RDH16: variants seen among roughly 807,000 people sequenced by gnomAD.
RDH16 encodes the protein human epidermal retinol dehydrogenase.
In RDH16, 25 loss-of-function variants were observed where a neutral mutation model predicts 22.3. That is an observed-to-expected ratio of 1.12 (90% CI 0.82 to 1.56). RDH16 has a LOEUF of 1.56. Among genes scored for constraint, RDH16 ranks in the 40% most tolerant of loss-of-function variants. The probability of loss-of-function intolerance (pLI) is 0.00; values close to 1 mark genes in which losing one functional copy is unlikely to be tolerated. For synonymous variants in RDH16, 154 were observed against 164.4 expected, an observed-to-expected ratio of 0.94 and a Z score of 0.48; for missense variants, 413 against 394.9, an observed-to-expected ratio of 1.05 and a Z score of -0.39.
In RDH16 at chr12:56,951,565, C is replaced by T. The variant is rs140459434; in HGVS notation, c.*464G>A. ...CATAATGGTTCCAGTCCCAACACCACGTGTACAGGGATCTTCAGAGGAGGG... is the reference window on the plus strand; with the variant it reads ...CATAATGGTTCCAGTCCCAACACCATGTGTACAGGGATCTTCAGAGGAGGG... On this transcript the variant is annotated 3_prime_UTR_variant, in exon 4 of 4. Transcript: ENST00000398138. The T allele has an allele frequency of 5.0e-5, 10 of 199,726 alleles. No individual in the cohort carries two copies. The South Asian group carries it at 7.8e-4, about 16-fold the overall frequency. The allele number at this position is 199,726 out of a possible 1,614,324, so 12.4% of individuals were successfully genotyped here. A position where few individuals can be genotyped will look rare whatever the true frequency, so the allele number is the denominator to read the frequency against.
chr12:56,954,875 G>T, intron 2 of RDH16, 31 bp downstream of exon 2: 1 of 1,611,744 alleles, frequency 6.2e-7, no homozygotes, highest in Admixed American at 1.7e-5. Context: ...GGAGCAGGAA[G>T]ACTAGGGTGG....
chr12:56,956,074 G>A (rs1955926121), intron 1 of RDH16, among the ~76,000 whole-genome samples: 1 of 152,158 alleles, frequency 6.6e-6, no homozygotes, highest in Admixed American at 6.5e-5. Flanking sequence ...TGGAAGGGTT[G>A]GCCCAGGCAT....
chr12:56,957,517 C>T lies in RDH16; in HGVS notation c.-55G>A, dbSNP rs1955941782. ...TGTGGGGGAAACCAGAGTCTGGCCT[C>T]TGTTCAGACAGGAGGATTTAAGAAC... On this transcript the variant is annotated 5_prime_UTR_variant, in exon 1 of 4. Transcript: ENST00000398138. 3 of 1,548,676 alleles carry T rather than the reference C, an allele frequency of 1.9e-6. No individual in the cohort carries two copies. The highest frequency in any genetic ancestry group is 2.4e-5 in the South Asian group (2 of 81,642).
rs377361228 is a variant in RDH16, at chr12:56,957,396, C to T, written c.67G>A (p.Val23Met). The T allele has an allele frequency of 6.2e-7, 1 of 1,614,158 alleles. No individual in the cohort carries two copies. Among genetic ancestry groups the T allele is most frequent in the Non-Finnish European group, 8.5e-7 (1 of 1,180,032 alleles). Reference protein sequence around the residue: ...YLLHWYRERQVLSHLRDKYVF... With the variant: ...YLLHWYRERQMLSHLRDKYVF... ...TACTTATCTCTCAGGTGGCTCAGCA[C>T]CTGCCTCTCCCGGTACCAGTGCAGA... Residue 23 changes from valine (V) to methionine (M), a missense_variant, in exon 1 of 4, where the codon GTG becomes ATG. Val to Met is a conservative substitution (Grantham distance 21). Coordinates refer to ENST00000398138, the MANE Select transcript of RDH16 (RefSeq NM_003708.5).
chr12:56,956,729 A>G (rs921948568), intron 1 of RDH16, among the ~76,000 whole-genome samples: 2 of 152,154 alleles, frequency 1.3e-5, no homozygotes, highest in Non-Finnish European at 2.9e-5. Flanking sequence ...TAGCAAAAAC[A>G]AGGTAAAGTG....
chr12:56,954,019 G>T (rs951580770), intron 2 of RDH16, among the ~76,000 whole-genome samples: 9 of 152,150 alleles, frequency 5.9e-5, no homozygotes, highest in African/African-American at 1.9e-4. Flanking sequence ...CGTCAAAGGG[G>T]CTCTGGATAT....
intron 1 of RDH16, among the ~76,000 whole-genome samples, chr12:56,956,358 A>G (rs1281173167): frequency 6.6e-6 from 1 of 152,224 alleles, no homozygotes; most frequent in Non-Finnish European, 1.5e-5. Context: ...ATTATGGTGG[A>G]AAAGTGTTCA....
chr12:56,956,010 G>C (rs958571867), intron 1 of RDH16, among the ~76,000 whole-genome samples: 35 of 152,210 alleles, frequency 2.3e-4, no homozygotes, highest in African/African-American at 7.7e-4. Context: ...ACAGAGCTAG[G>C]GGGCAGGAGC....
rs1260744006 is a variant in RDH16, at chr12:56,955,006, G to A, written c.472C>T (p.Arg158Cys). 4.3e-6 allele frequency: 7 copies of A among 1,614,126 alleles called. No individual in the cohort carries two copies. Among genetic ancestry groups the A allele is most frequent in the South Asian group, 1.1e-5 (1 of 91,072 alleles). ...ATGACACTGGAGACGTTGACCACAC[G>A]GCCCCTGGCCCTCCTCACTAAGGGC... The part of the protein sequence containing the change: ...LLPLVRRARG[R>C]VVNVSSVMGR... Residue 158 changes from arginine to cysteine, a missense_variant, in exon 2 of 4, where the codon CGT becomes TGT. By Grantham distance (180) the Arg-to-Cys change is radical. Coordinates refer to ENST00000398138, the MANE Select transcript of RDH16 (RefSeq NM_003708.5).
At position 56,957,438 on chromosome 12, in the gene RDH16, C is replaced by A. The variant is rs773191923; in HGVS notation, c.25G>T (p.Val9Leu). MWLYLAVF[V>L]GLYYLLHWYR... ...CAGTGCAGAAGGTAGTACAGGCCCACGAAAACCGCCAGGTAGAGCCACATG... is the reference window on the plus strand; with the variant it reads ...CAGTGCAGAAGGTAGTACAGGCCCAAGAAAACCGCCAGGTAGAGCCACATG... Residue 9 changes from valine to leucine, a missense_variant, in exon 1 of 4, where the codon GTG becomes TTG. Val to Leu is a conservative substitution (Grantham distance 32, BLOSUM62 1). Coordinates refer to ENST00000398138, the MANE Select transcript of RDH16 (RefSeq NM_003708.5). 6 of 1,612,478 alleles carry A rather than the reference C, an allele frequency of 3.7e-6. No homozygotes were observed. In the Admixed American group the frequency reaches 5.0e-5, roughly 13 times the overall value.
chr12:56,954,507 A>C (rs1202386319), intron 2 of RDH16, among the ~76,000 whole-genome samples: 1 of 152,154 alleles, frequency 6.6e-6, no homozygotes, highest in Admixed American at 6.5e-5. Context: ...AGAAGTGTTT[A>C]GGGTCCTTCC....
intron 1 of RDH16, 89 bp downstream of exon 1, chr12:56,957,061 C>A: frequency 7.6e-7 from 1 of 1,312,548 alleles, no homozygotes; most frequent in South Asian, 1.4e-5. Flanking sequence ...TGGAAAGACA[C>A]TGTAGGAATC....
rs773573030 is a variant in RDH16 at position 56,954,995 on chromosome 12, G to A, written c.483C>T (p.Asn161=). 1.9e-5 allele frequency: 31 copies of A among 1,614,042 alleles called. No individual in the cohort carries two copies. The highest frequency in any genetic ancestry group is 1.1e-4 in the East Asian group (5 of 44,896). ...ACACCCGGCCCATGACACTGGAGAC[G>A]TTGACCACACGGCCCCTGGCCCTCC... ...LVRRARGRVV[N]VSSVMGRVSL... Residue 161 remains asparagine (N), a synonymous_variant, in exon 2 of 4, where the codon AAC becomes AAT. Transcript: ENST00000398138.
At position 56,952,015 on chromosome 12, in the gene RDH16, A is replaced by T; in HGVS notation, c.*14T>A. 1.9e-6 allele frequency: 3 copies of T among 1,611,348 alleles called. No individual in the cohort carries two copies. Among genetic ancestry groups the T allele is most frequent in the Non-Finnish European group, 2.5e-6 (3 of 1,177,566 alleles). On this transcript the variant is annotated 3_prime_UTR_variant, in exon 4 of 4. Transcript: ENST00000398138. ...ACACCCCAAATCCATGCAACCATGC[A>T]TCCAACCTTAGCTTCATAGAGCCTT...
At chr12:56,952,337 C>A in intron 3 of RDH16, 91 bp from the exon 4 acceptor site, 1 of 1,177,754 alleles carries the variant, frequency 8.5e-7, no homozygotes. Context: ...TCTAAGAACT[C>A]ATGCCACCCC....
chr12:56,957,309 G>A lies in RDH16; in HGVS notation c.154C>T (p.Arg52Ter), dbSNP rs766651290. 6 of 1,614,130 alleles carry A rather than the reference G, an allele frequency of 3.7e-6. No individual in the cohort carries two copies. The highest frequency in any genetic ancestry group is 4.5e-5 in the East Asian group (2 of 44,886). The change falls in exon 1 of 4, where the codon CGA becomes TGA. Residue 52 changes from arginine to a stop codon, truncating the protein, a stop_gained. Transcript: ENST00000398138. LOFTEE classifies it high-confidence loss of function. ...GKLLARQLDA[R>*]GLRVLAACLT... ...CATGCAGCCAGCACCCGCAAGCCTCGTGCATCCAGCTGTCTGGCCAGCAGT... is the reference window on the plus strand; with the variant it reads ...CATGCAGCCAGCACCCGCAAGCCTCATGCATCCAGCTGTCTGGCCAGCAGT...
chr12:56,955,406 A>G (rs954344761), intron 1 of RDH16, among the ~76,000 whole-genome samples: 1 of 152,192 alleles, frequency 6.6e-6, no homozygotes, highest in Non-Finnish European at 1.5e-5. Flanking sequence ...CCTGAAAGAC[A>G]ATAAGCTATT....
chr12:56,954,877 C>T, intron 2 of RDH16, 29 bp downstream of exon 2: 2 of 1,612,058 alleles, frequency 1.2e-6, no homozygotes, highest in Non-Finnish European at 1.7e-6. Flanking sequence ...AGCAGGAAGA[C>T]TAGGGTGGGC....
At position 56,957,425 on chromosome 12, in the gene RDH16, T is replaced by C. The variant is rs549296240; in HGVS notation, c.38A>G (p.Tyr13Cys). 3 of 1,613,808 alleles carry C rather than the reference T, an allele frequency of 1.9e-6. No homozygotes were observed. The highest frequency in any genetic ancestry group is 2.2e-5 in the East Asian group (1 of 44,860). The change falls in exon 1 of 4, where the codon TAC becomes TGC. Residue 13 changes from tyrosine to cysteine, a missense_variant. Transcript: ENST00000398138. ...LYLAVFVGLY[Y>C]LLHWYRERQV... is the part of the protein sequence containing the mutation. ...CCTCTCCCGGTACCAGTGCAGAAGG[T>C]AGTACAGGCCCACGAAAACCGCCAG...
Sources: allele counts gnomAD v4.1 joint callset (sites outside exome capture counted in the v4.1 genomes callset), GRCh38; gene constraint gnomAD v4.1.1; transcripts MANE v1.5; gene names NCBI Gene and HGNC (gene_info 2026-07-23, HGNC 2026-07-21).